Variants in RANBP3L observed in about 807,000 individuals in gnomAD.
RANBP3L encodes RAN binding protein 3 like.
In RANBP3L, 56 loss-of-function variants were observed where a neutral mutation model predicts 67.2. The observed-to-expected ratio is 0.83, with a 90% confidence interval of 0.67 to 1.04. The LOEUF is 1.04. Ranked by LOEUF, RANBP3L falls within the 50% of genes least tolerant of loss-of-function variation. The pLI is 0.00. For synonymous variants in RANBP3L, 164 were observed against 181.4 expected (o/e 0.90, Z 0.77); for missense variants, 496 against 535.5 (o/e 0.93, Z 0.73).
In RANBP3L at chr5:36,251,415, C is replaced by T. The variant is rs1400241511; in HGVS notation, c.1252G>A (p.Val418Ile). The T allele has an allele frequency of 2.5e-6, 4 of 1,613,102 alleles. No homozygotes were observed. The highest frequency in any genetic ancestry group is 4.5e-5 in the East Asian group (2 of 44,866). Residue 418 changes from valine (V) to isoleucine (I), a missense_variant, in exon 13 of 14, where the codon GTC becomes ATC. Physicochemically the swap from Val to Ile is conservative, Grantham distance 29 (BLOSUM62 3). Coordinates refer to ENST00000296604, the MANE Select transcript of RANBP3L (RefSeq NM_145000.5). Reference protein sequence around the residue: ...ALQSFNKQRDVNQAESLSETA... With the variant: ...ALQSFNKQRDINQAESLSETA... ...TCTGACAGGCTTTCAGCTTGATTGA[C>T]ATCTCTCTGCTTATTGAAGCTTTGA...
At chr5:36,262,197 C>T (rs1223345770) in intron 6 of RANBP3L, among the ~76,000 whole-genome samples, 155 bp from the exon 7 acceptor site, 1 of 152,206 alleles carries the variant, frequency 6.6e-6, no homozygotes, top group African/African-American at 2.4e-5. Flanking sequence ...TTACTCCTTA[C>T]AACTCTAACA....
At chr5:36,269,632 A>G (rs1315885264) in intron 3 of RANBP3L, among the ~76,000 whole-genome samples, 165 bp from the exon 4 acceptor site, 3 of 152,292 alleles carry the variant, frequency 2.0e-5, no homozygotes, top group Non-Finnish European at 2.9e-5. Context: ...TTATAAACCT[A>G]TAGGCATATC....
rs953970622 is a variant in RANBP3L, at chr5:36,301,791, A to G, written c.-375T>C. 7 of 175,718 alleles carry G rather than the reference A, an allele frequency of 4.0e-5. No homozygotes were observed. Among genetic ancestry groups the G allele is most frequent in the African/African-American group, 7.1e-5 (3 of 42,300 alleles). The allele number at this position is 175,718 out of a possible 1,614,324, so 10.9% of individuals were successfully genotyped here. ...ATTCCTTTTGGCGACATGAAATCCAATGCCTCCAGTATTTAGAGAAGGCTG... is the reference window on the plus strand; with the variant it reads ...ATTCCTTTTGGCGACATGAAATCCAGTGCCTCCAGTATTTAGAGAAGGCTG... On this transcript the variant is annotated 5_prime_UTR_variant, in exon 1 of 14. Coordinates refer to ENST00000296604, the MANE Select transcript of RANBP3L (RefSeq NM_145000.5).
At chr5:36,250,147 A>C (rs1748494095) in intron 13 of RANBP3L, among the ~76,000 whole-genome samples, 1 of 151,994 alleles carries the variant, frequency 6.6e-6, no homozygotes, top group Non-Finnish European at 1.5e-5. Context: ...TAGTGAGAGA[A>C]TTTGCTATTT....
chr5:36,260,293 G>A (rs1306373019), intron 8 of RANBP3L, among the ~76,000 whole-genome samples: 3 of 148,484 alleles, frequency 2.0e-5, no homozygotes, highest in Non-Finnish European at 3.0e-5. Flanking sequence ...CCCAGGAGGC[G>A]GAGGTTGCAG....
chr5:36,298,560 G>A (rs975871993), intron 1 of RANBP3L, among the ~76,000 whole-genome samples: 8 of 152,124 alleles, frequency 5.3e-5, no homozygotes, highest in African/African-American at 1.9e-4. Flanking sequence ...ATAGCTTGGA[G>A]GAAAAAGCAG....
chr5:36,289,574 A>G (rs961729643), intron 1 of RANBP3L, among the ~76,000 whole-genome samples: 3 of 152,124 alleles, frequency 2.0e-5, no homozygotes, highest in Non-Finnish European at 4.4e-5. Context: ...TCAGCTTCAC[A>G]CTGCAATGTT....
rs1748348097 is a variant in RANBP3L at position 36,247,265 on chromosome 5, T to A, written c.*2389A>T. ...TTGTACTAAATATTTGTGTAAGAAT[T>A]CTAAGAAAGAATAATGGAGTGTATA... On this transcript the variant is annotated 3_prime_UTR_variant, in exon 14 of 14. Transcript: ENST00000296604. 2.0e-5 allele frequency among the ~76,000 whole-genome samples: 3 copies of A among 152,296 alleles called. No individual in the cohort carries two copies. The South Asian group carries it at 6.2e-4, about 32-fold the overall frequency.
chr5:36,275,328 A>G (rs1439235212), intron 1 of RANBP3L, among the ~76,000 whole-genome samples: 2 of 152,334 alleles, frequency 1.3e-5, no homozygotes, highest in Non-Finnish European at 2.9e-5. Context: ...GTGCCTCACT[A>G]AATGCATACC....
intron 1 of RANBP3L, among the ~76,000 whole-genome samples, chr5:36,297,693 A>G (rs1382349843): frequency 6.6e-6 from 1 of 152,192 alleles, no homozygotes; most frequent in Non-Finnish European, 1.5e-5. Context: ...AGATAAATGG[A>G]TTAAAAATAT....
chr5:36,249,736 A>G, intron 13 of RANBP3L, 39 bp from the exon 14 acceptor site: 1 of 1,137,144 alleles, frequency 8.8e-7, no homozygotes, highest in South Asian at 1.6e-5. Flanking sequence ...ATACAATATT[A>G]TATTTAGGGT....
intron 1 of RANBP3L, among the ~76,000 whole-genome samples, chr5:36,294,701 T>C (rs1752061366): frequency 6.6e-6 from 1 of 151,484 alleles, no homozygotes. Context: ...TGTGTCAGAA[T>C]TTCCTTCATT....
At chr5:36,269,532 A>G (rs1750063228) in intron 3 of RANBP3L, 65 bp from the exon 4 acceptor site, 1 of 936,896 alleles carries the variant, frequency 1.1e-6, no homozygotes, top group South Asian at 1.4e-5. Context: ...AACTCATGAT[A>G]GGGTAGGATA....
intron 1 of RANBP3L, among the ~76,000 whole-genome samples, chr5:36,298,064 G>A (rs556030354): frequency 1.6e-4 from 24 of 152,102 alleles, no homozygotes; most frequent in African/African-American, 5.5e-4. Context: ...ACTTTGGGAG[G>A]CCGAGGTGGG....
At chr5:36,285,614 A>T (rs1751266574) in intron 1 of RANBP3L, among the ~76,000 whole-genome samples, 1 of 152,236 alleles carries the variant, frequency 6.6e-6, no homozygotes, top group African/African-American at 2.4e-5. Context: ...AGAAGACACC[A>T]GCAAAGACAG....
intron 4 of RANBP3L, chr5:36,268,089 A>G (rs1749937502): frequency 2.9e-6 from 2 of 687,138 alleles, no homozygotes; most frequent in African/African-American, 1.9e-5. Context: ...GTTTATTTCT[A>G]AAGTGTCAGC....
At position 36,289,488 on chromosome 5, in the gene RANBP3L, C is replaced by T. The variant is rs115321235; in HGVS notation, c.91+11838G>A. On this transcript the variant is annotated intron_variant, in intron 1 of 13. Coordinates refer to ENST00000296604, the MANE Select transcript of RANBP3L (RefSeq NM_145000.5). ...TTGACTCTATAGGTCAAGTTGAGGA[C>T]GATTGACATCTTAACAATATTGAGC... Among the ~76,000 whole-genome samples, 1,190 of 152,188 alleles carry T rather than the reference C, an allele frequency of 7.8e-3. 16 individuals carry two copies. The highest frequency in any genetic ancestry group is 0.027 in the African/African-American group (1,108 of 41,532).
chr5:36,263,250 A>T (rs532137926), intron 6 of RANBP3L, among the ~76,000 whole-genome samples: 1 of 152,278 alleles, frequency 6.6e-6, no homozygotes, highest in South Asian at 2.1e-4. Context: ...TATTCCCTAG[A>T]CCTTATAATT....
chr5:36,260,901 C>A, intron 7 of RANBP3L, 37 bp from the exon 8 acceptor site: 3 of 882,644 alleles, frequency 3.4e-6, no homozygotes, highest in Admixed American at 2.3e-5. Flanking sequence ...ATTTTAAATA[C>A]ATAGATAAAG....
Sources: allele counts gnomAD v4.1 joint callset (sites outside exome capture counted in the v4.1 genomes callset), GRCh38; gene constraint gnomAD v4.1.1; transcripts MANE v1.5; gene names NCBI Gene and HGNC (gene_info 2026-07-23, HGNC 2026-07-21).